The following DPY19L2 variants were observed in gnomAD, a reference collection of about 807,000 sequenced individuals.
DPY19L2 encodes the protein dpy-19 like 2, also known as probable C-mannosyltransferase DPY19L2.
A neutral mutation model predicts 97.9 loss-of-function variants in DPY19L2; 34 were observed. The observed-to-expected ratio is 0.35, with a 90% CI of 0.26 to 0.46. DPY19L2 has a LOEUF of 0.46. DPY19L2 is among the 20% of genes least tolerant of loss of function. The pLI is 1.00. For missense variants in DPY19L2, 623 were observed against 911.4 expected, an observed-to-expected ratio of 0.68 and a Z score of 4.07; for synonymous variants, 230 against 307.9, an observed-to-expected ratio of 0.75 and a Z score of 2.65.
At chr12:63,608,497 A>G in intron 12 of DPY19L2, 119 bp downstream of exon 12, 1 of 938,578 alleles carries the variant, frequency 1.1e-6, no homozygotes, top group Non-Finnish European at 1.6e-6. Context: ...ACTATTTTTA[A>G]GACAGTAGCT....
intron 6 of DPY19L2, among the ~76,000 whole-genome samples, chr12:63,635,913 A>T (rs573542492): frequency 1.3e-5 from 2 of 152,306 alleles, no homozygotes; most frequent in Admixed American, 6.5e-5. Flanking sequence ...ATTCAAATTC[A>T]GGAAATACAG....
chr12:63,651,941 AG>A, intron 4 of DPY19L2: 1 of 377,262 alleles, frequency 2.7e-6, no homozygotes. Flanking sequence ...AGTGGAACTG[AG>A]GACCCCTTGG....
At chr12:63,649,678 A>C (rs1387733445) in intron 4 of DPY19L2, among the ~76,000 whole-genome samples, 3 of 152,142 alleles carry the variant, frequency 2.0e-5, no homozygotes, top group Admixed American at 2.0e-4. Context: ...AGACTGACTC[A>C]CCAATAAAAA....
intron 6 of DPY19L2, among the ~76,000 whole-genome samples, chr12:63,630,595 T>C (rs914451376): frequency 6.6e-6 from 1 of 152,054 alleles, no homozygotes; most frequent in African/African-American, 2.4e-5. Flanking sequence ...CAAAGAGACT[T>C]AGACTCCCAC....
chr12:63,633,274 G>C (rs1159064174), intron 6 of DPY19L2, among the ~76,000 whole-genome samples: 1 of 152,094 alleles, frequency 6.6e-6, no homozygotes, highest in African/African-American at 2.4e-5. Context: ...AGAGTGAATA[G>C]GCAACCTACA....
At position 63,668,317 on chromosome 12, in the gene DPY19L2, G is replaced by A. The variant is rs916795679; in HGVS notation, c.77C>T (p.Ser26Phe). 9.3e-6 allele frequency: 15 copies of A among 1,613,794 alleles called. No homozygotes were observed. The highest frequency in any genetic ancestry group is 1.3e-5 in the Non-Finnish European group (15 of 1,179,948). ...CTCTACCTCCGGCTCCCGGGCGAGGGAGGCCCCGCGCCGCCCCTTAGACTG... is the reference window on the plus strand; with the variant it reads ...CTCTACCTCCGGCTCCCGGGCGAGGAAGGCCCCGCGCCGCCCCTTAGACTG... ...RSQSKGRRGASLAREPEVEEE... is the reference protein window; with the variant it reads ...RSQSKGRRGAFLAREPEVEEE... Residue 26 changes from serine to phenylalanine, a missense_variant, in exon 1 of 22, where the codon TCC (serine) becomes TTC (phenylalanine). Coordinates refer to ENST00000324472, the MANE Select transcript of DPY19L2 (RefSeq NM_173812.5).
chr12:63,616,667 T>C lies in DPY19L2; in HGVS notation c.1218+637A>G, dbSNP rs1419415633. Among the ~76,000 whole-genome samples the C allele has an allele frequency of 3.3e-5, 5 of 152,144 alleles. No homozygotes were observed. In the East Asian group the frequency reaches 9.6e-4, roughly 29 times the overall value. ...TCCAAAAGAGTGTCATTCCATGTAG[T>C]TCCCGTGAGGAGACTGCACACTTAT... On this transcript the variant is annotated intron_variant, in intron 11 of 21. Coordinates refer to ENST00000324472, the MANE Select transcript of DPY19L2 (RefSeq NM_173812.5).
At chr12:63,597,200 C>A (rs1215300093) in intron 14 of DPY19L2, among the ~76,000 whole-genome samples, 1 of 151,310 alleles carries the variant, frequency 6.6e-6, no homozygotes, top group Non-Finnish European at 1.5e-5. Flanking sequence ...GTCTCAAACT[C>A]CTGACCTCAA....
At chr12:63,620,578 T>C (rs1196573894) in intron 9 of DPY19L2, among the ~76,000 whole-genome samples, 1 of 152,220 alleles carries the variant, frequency 6.6e-6, no homozygotes, top group African/African-American at 2.4e-5. Context: ...TGTGGAATTA[T>C]ATTATTTCAT....
chr12:63,591,084 T>C (rs1052222265), intron 16 of DPY19L2: 1 of 455,860 alleles, frequency 2.2e-6, no homozygotes, highest in African/African-American at 2.0e-5. Context: ...CTCCATTCAT[T>C]CTTTTTTAGA....
chr12:63,625,835 T>C (rs1889436034), intron 7 of DPY19L2, among the ~76,000 whole-genome samples: 1 of 151,968 alleles, frequency 6.6e-6, no homozygotes, highest in Non-Finnish European at 1.5e-5. Flanking sequence ...AGATCTGCTA[T>C]ACAACATTGT....
At chr12:63,584,023 T>C in intron 16 of DPY19L2, 187 bp from the exon 17 acceptor site, 1 of 551,674 alleles carries the variant, frequency 1.8e-6, no homozygotes, top group Non-Finnish European at 3.2e-6. Context: ...AAAGTCATAA[T>C]TTATAGTCAT....
At chr12:63,566,409 C>T (rs538476928) in intron 21 of DPY19L2, among the ~76,000 whole-genome samples, 1 of 152,038 alleles carries the variant, frequency 6.6e-6, no homozygotes, top group Non-Finnish European at 1.5e-5. Context: ...ATTTCCATCA[C>T]CACAGAGATC....
chr12:63,568,282 T>A (rs1345727407), intron 21 of DPY19L2, among the ~76,000 whole-genome samples: 16 of 152,058 alleles, frequency 1.1e-4, no homozygotes, highest in Non-Finnish European at 2.1e-4. Context: ...TTGAGTACAT[T>A]TAAATGATTT....
intron 18 of DPY19L2, among the ~76,000 whole-genome samples, 192 bp from the exon 19 acceptor site, chr12:63,581,028 T>C (rs80278111): frequency 6.6e-6 from 1 of 152,078 alleles, no homozygotes. Flanking sequence ...CAGGTGAAAA[T>C]GGAACTTTCT....
intron 6 of DPY19L2, among the ~76,000 whole-genome samples, chr12:63,634,816 A>T (rs1891376552): frequency 6.6e-6 from 1 of 152,164 alleles, no homozygotes; most frequent in Non-Finnish European, 1.5e-5. Flanking sequence ...ACCGCAGCTC[A>T]AGGAGGCCTG....
intron 10 of DPY19L2, among the ~76,000 whole-genome samples, chr12:63,617,683 A>T (rs1888072222): frequency 6.6e-6 from 1 of 152,032 alleles, no homozygotes; most frequent in Non-Finnish European, 1.5e-5. Context: ...AGAAAGACTT[A>T]GTTATAAATA....
At chr12:63,593,615 G>A (rs891748707) in intron 16 of DPY19L2, among the ~76,000 whole-genome samples, 6 of 151,948 alleles carry the variant, frequency 3.9e-5, no homozygotes, top group African/African-American at 1.5e-4. Context: ...ACAGGAAGGG[G>A]AACATCACAC....
intron 16 of DPY19L2, among the ~76,000 whole-genome samples, chr12:63,587,599 A>G (rs10878057): frequency 0.59 from 86,706 of 147,026 alleles, 26,279 homozygotes; most frequent in African/African-American, 0.75. Context: ...TTATTGAGAC[A>G]GAGCCTCGCA....
Sources: gnomAD v4.1 joint callset for allele counts (sites outside exome capture counted in the v4.1 genomes callset) on GRCh38, gnomAD v4.1.1 for gene constraint, MANE v1.5 for transcripts, NCBI Gene and HGNC (gene_info 2026-07-23, HGNC 2026-07-21) for gene names.